The following SKIC8 variants were observed in gnomAD, a reference collection of about 807,000 sequenced individuals.
The protein encoded by SKIC8 is superkiller complex protein 8.
At chr15:78,285,753 A>T in the SKIC8 span, 4 of 437,458 alleles carry the variant, frequency 9.1e-6, no homozygotes, top group East Asian at 3.5e-5. Flanking sequence ...AAACATTTAC[A>T]TATTTTAAGT....
chr15:78,283,467 C>T, the SKIC8 span: 2 of 1,613,894 alleles, frequency 1.2e-6, no homozygotes, highest in Non-Finnish European at 1.7e-6. Context: ...ATTTCCTGGT[C>T]ATCTCCAACA....
the SKIC8 span, chr15:78,283,604 A>G: frequency 9.1e-7 from 1 of 1,096,736 alleles, no homozygotes; most frequent in Non-Finnish European, 1.3e-6. Flanking sequence ...TTTTCTCGTT[A>G]TTCTGAATCT....
the SKIC8 span, chr15:78,290,811 T>C: frequency 1.6e-5 from 1 of 63,136 alleles, no homozygotes; most frequent in South Asian, 1.2e-3. Context: ...CAGACCCCAT[T>C]CTTCCTTTTT....
the SKIC8 span, chr15:78,285,892 A>G: frequency 1.2e-5 from 7 of 585,184 alleles, no homozygotes; most frequent in African/African-American, 1.3e-4. Flanking sequence ...GTCAACTAAC[A>G]TCACTAAATA....
At chr15:78,289,021 T>G in the SKIC8 span, 1 of 396,548 alleles carries the variant, frequency 2.5e-6, no homozygotes, top group Non-Finnish European at 4.9e-6. Flanking sequence ...AACACACACA[T>G]ACATAATGTG....
chr15:78,294,818 G>T, the SKIC8 span: 1 of 972,646 alleles, frequency 1.0e-6, no homozygotes, highest in Non-Finnish European at 1.6e-6. Context: ...TTTGTTTTCA[G>T]CTGCCAATTC....
chr15:78,291,704 G>C, the SKIC8 span: 1 of 152,344 alleles, frequency 6.6e-6, no homozygotes, highest in African/African-American at 2.4e-5. Flanking sequence ...GAACAGCCTA[G>C]AGTGGCTACT....
chr15:78,297,709 T>C, the SKIC8 span, among the ~76,000 whole-genome samples: 3 of 152,182 alleles, frequency 2.0e-5, no homozygotes, highest in Non-Finnish European at 2.9e-5. Context: ...AACATAAAGA[T>C]GCAATTTTTC....
chr15:78,296,857 G>C, the SKIC8 span, among the ~76,000 whole-genome samples: 1 of 152,088 alleles, frequency 6.6e-6, no homozygotes, highest in African/African-American at 2.4e-5. Context: ...AATTACAGTA[G>C]GTTCTCATTA....
At chr15:78,293,363 T>C in the SKIC8 span, 4 of 1,242,902 alleles carry the variant, frequency 3.2e-6, no homozygotes, top group Non-Finnish European at 3.5e-6. Context: ...GTAACATTTA[T>C]TTGTATTTGC....
chr15:78,296,239 C>CT, the SKIC8 span, among the ~76,000 whole-genome samples: 1 of 151,836 alleles, frequency 6.6e-6, no homozygotes, highest in Non-Finnish European at 1.5e-5. Flanking sequence ...AACCACGTCT[C>CT]TAATAAAAAT....
chr15:78,295,579 A>T, the SKIC8 span: 36 of 1,546,620 alleles, frequency 2.3e-5, no homozygotes, highest in African/African-American at 4.9e-4. Flanking sequence ...GGCAAGAATG[A>T]GATGCTAGTT....
chr15:78,285,657 G>A, the SKIC8 span: 1 of 463,730 alleles, frequency 2.2e-6, no homozygotes, highest in Non-Finnish European at 3.9e-6. Flanking sequence ...ACTGTGCAAT[G>A]CCTTCAAGTT....
At chr15:78,283,595 T>C in the SKIC8 span, 1 of 1,173,902 alleles carries the variant, frequency 8.5e-7, no homozygotes. Flanking sequence ...ACATCCTTAT[T>C]TTCTCGTTAT....
At chr15:78,295,568 A>T in the SKIC8 span, 2 of 1,510,438 alleles carry the variant, frequency 1.3e-6, no homozygotes, top group South Asian at 1.1e-5. Context: ...TTTAGGAGCC[A>T]GGCAAGAATG....
chr15:78,294,069 G>A, the SKIC8 span, among the ~76,000 whole-genome samples: 2 of 152,298 alleles, frequency 1.3e-5, no homozygotes, highest in Admixed American at 1.3e-4. Flanking sequence ...TAAAACAGCT[G>A]TGCACCACAG....
At chr15:78,293,397 C>A in the SKIC8 span, 1 of 888,858 alleles carries the variant, frequency 1.1e-6, no homozygotes, top group Non-Finnish European at 1.7e-6. Context: ...AAAGTGCTTT[C>A]CTATACAGCT....
the SKIC8 span, chr15:78,295,305 T>C: frequency 1.8e-6 from 1 of 553,468 alleles, no homozygotes; most frequent in Admixed American, 3.3e-5. Context: ...ATTTTGCAGC[T>C]GCAATAAGAA....
chr15:78,295,624 G>C, the SKIC8 span: 1 of 1,611,814 alleles, frequency 6.2e-7, no homozygotes, highest in Non-Finnish European at 8.5e-7. Context: ...TACTGGACTT[G>C]AACTTGGCAA....
Sources: gnomAD v4.1 joint callset for allele counts (sites outside exome capture counted in the v4.1 genomes callset) on GRCh38, gnomAD v4.1.1 for gene constraint, MANE v1.5 for transcripts, NCBI Gene and HGNC (gene_info 2026-07-23, HGNC 2026-07-21) for gene names.